ZNF610: variants seen among roughly 807,000 people sequenced by gnomAD.
The protein encoded by ZNF610 is zinc finger protein 610, also known as zink finger protein.
A neutral mutation model predicts 14.1 loss-of-function variants in ZNF610; 14 were observed. That is an observed-to-expected ratio of 0.99 (90% CI 0.65 to 1.55). The LOEUF (loss-of-function observed/expected upper bound fraction) is 1.55. Ranked by LOEUF, ZNF610 falls within the 40% of genes most tolerant of loss-of-function variation. The probability of loss-of-function intolerance (pLI) is 0.00; values close to 1 mark genes in which losing one functional copy is unlikely to be tolerated. For synonymous variants in ZNF610, 185 were observed against 187.6 expected (o/e 0.99, Z 0.11); for missense variants, 530 against 558.0 (o/e 0.95, Z 0.51).
At chr19:52,349,726 C>T (rs1310756341) in intron 3 of ZNF610, among the ~76,000 whole-genome samples, 1 of 152,010 alleles carries the variant, frequency 6.6e-6, no homozygotes, top group African/African-American at 2.4e-5. Flanking sequence ...CCTGCCACCA[C>T]GCCCAGCTAA....
At position 52,365,825 on chromosome 19, in the gene ZNF610, T is replaced by C. The variant is rs764657353; in HGVS notation, c.447T>C (p.Asn149=). Residue 149 remains asparagine, a synonymous_variant, in exon 6 of 6, where the codon AAT becomes AAC. Transcript: ENST00000403906. ...FQAGRKIYRS[N]QVEKFTNHRS... is the part of the protein sequence containing the mutation. ...CCGGAAGGAAAATTTACAGAAGTAA[T>C]CAAGTTGAAAAGTTTACAAACCATC... 7.4e-6 allele frequency: 12 copies of C among 1,614,074 alleles called. 1 individual carries two copies. In the East Asian group the frequency reaches 2.7e-4, roughly 36 times the overall value.
intron 1 of ZNF610, among the ~76,000 whole-genome samples, chr19:52,339,288 T>G (rs572011871): frequency 3.3e-5 from 5 of 152,044 alleles, no homozygotes; most frequent in African/African-American, 1.2e-4. Flanking sequence ...CCTTCCTCTT[T>G]CACTAATCCT....
chr19:52,338,084 T>A (rs1568643779), intron 1 of ZNF610, among the ~76,000 whole-genome samples: 1 of 152,230 alleles, frequency 6.6e-6, no homozygotes, highest in Non-Finnish European at 1.5e-5. Context: ...TTAACTCAAT[T>A]TCACACTAAC....
At chr19:52,334,073 T>C (rs1984265427), upstream of ZNF610, among the ~76,000 whole-genome samples, 1 of 152,186 alleles carries the variant, frequency 6.6e-6, no homozygotes, top group African/African-American at 2.4e-5. Flanking sequence ...TCAACAATGG[T>C]TTATAAACTG....
chr19:52,347,094 G>C (rs993992402), intron 1 of ZNF610: 3 of 152,194 alleles, frequency 2.0e-5, no homozygotes, highest in South Asian at 2.1e-4. Context: ...TCCTAGAAGA[G>C]CCTCGGGCAA....
intron 5 of ZNF610, among the ~76,000 whole-genome samples, chr19:52,363,255 G>A (rs574925005): frequency 3.3e-5 from 5 of 151,866 alleles, no homozygotes; most frequent in Admixed American, 3.3e-4. Flanking sequence ...TCAGCCACCT[G>A]AGTAGCTAGG....
At chr19:52,358,805 T>C (rs540754486) in intron 5 of ZNF610, among the ~76,000 whole-genome samples, 3 of 152,356 alleles carry the variant, frequency 2.0e-5, no homozygotes, top group Non-Finnish European at 4.4e-5. Context: ...AGGTCATGAA[T>C]TGGCTTTCAG....
At chr19:52,349,718 T>C (rs577120902) in intron 3 of ZNF610, among the ~76,000 whole-genome samples, 247 of 152,062 alleles carry the variant, frequency 1.6e-3, no homozygotes, top group African/African-American at 4.7e-3. Context: ...TACAGGTGCC[T>C]GCCACCACGC....
rs1365075194 is a variant in ZNF610 at position 52,337,213 on chromosome 19, G to C, written c.-258+707G>C. Among the ~76,000 whole-genome samples, 7 of 151,960 alleles carry C rather than the reference G, an allele frequency of 4.6e-5. 1 individual carries two copies. Among genetic ancestry groups the C allele is most frequent in the Admixed American group, 1.3e-4 (2 of 15,244 alleles). ...GAGAGGAGGAGGGATTTGGAGCCAGGGCAGACAGAGCAGCATGGTGCTGGG... is the reference window on the plus strand; with the variant it reads ...GAGAGGAGGAGGGATTTGGAGCCAGCGCAGACAGAGCAGCATGGTGCTGGG... On this transcript the variant is annotated intron_variant, in intron 1 of 5. Transcript: ENST00000403906.
At chr19:52,339,389 A>G (rs777379158) in intron 1 of ZNF610, among the ~76,000 whole-genome samples, 2 of 149,256 alleles carry the variant, frequency 1.3e-5, no homozygotes, top group Non-Finnish European at 2.9e-5. Flanking sequence ...CATGGGGAGA[A>G]ACCTTGGACA....
Position 52,347,905 on chromosome 19 carries a change from T to G in ZNF610, c.-59T>G, listed in dbSNP as rs1970422768. ...ATTCGGTCACCACACACTCACTGAC[T>G]CATCCAGAGCAATTTCTAGTCCTGC... On this transcript the variant is annotated 5_prime_UTR_variant, in exon 2 of 6. Coordinates refer to ENST00000403906, the MANE Select transcript of ZNF610 (RefSeq NM_001161425.2). The G allele has an allele frequency of 6.6e-6, 1 of 152,200 alleles. No homozygotes were observed. The highest frequency in any genetic ancestry group is 6.5e-5 in the Admixed American group (1 of 15,286). 9.4% of individuals were successfully genotyped at this position (152,200 alleles called of 1,614,324 possible).
chr19:52,353,400 G>T (rs1275488471), intron 3 of ZNF610, among the ~76,000 whole-genome samples: 2 of 152,188 alleles, frequency 1.3e-5, no homozygotes, highest in Non-Finnish European at 2.9e-5. Context: ...AGTGGTGCAT[G>T]CCTATAATCC....
At chr19:52,334,712 T>C (rs1462923369), upstream of ZNF610, among the ~76,000 whole-genome samples, 1 of 151,884 alleles carries the variant, frequency 6.6e-6, no homozygotes, top group African/African-American at 2.4e-5. Flanking sequence ...GAGAATCACC[T>C]GAGGTCAGGA....
At position 52,366,045 on chromosome 19, in the gene ZNF610, C is replaced by G; in HGVS notation, c.667C>G (p.Gln223Glu). The change falls in exon 6 of 6, where the codon CAA becomes GAA. Residue 223 changes from glutamine to glutamate, a missense_variant. Gln to Glu is a conservative substitution (Grantham distance 29). Coordinates refer to ENST00000403906, the MANE Select transcript of ZNF610 (RefSeq NM_001161425.2). ...AGTCCGTGCAAGCCTTACTAACCAT[C>G]AAGTAATCCATACTGCAGAGAAACC... is the stretch of plus-strand genomic sequence containing the variant. ...FRVRASLTNH[Q>E]VIHTAEKPYK... 1 of 1,614,092 alleles carries G rather than the reference C, an allele frequency of 6.2e-7. No homozygotes were observed. The highest frequency in any genetic ancestry group is 1.6e-4 in the Middle Eastern group (1 of 6,062).
intron 3 of ZNF610, 86 bp downstream of exon 3, chr19:52,349,321 AC>A: frequency 7.0e-7 from 1 of 1,436,966 alleles, no homozygotes. Flanking sequence ...GCTCACACTC[AC>A]CCATGCCTTC....
chr19:52,332,243 G>C (rs10405321), upstream of ZNF610, among the ~76,000 whole-genome samples: 99,563 of 152,046 alleles, frequency 0.65, 32,974 homozygotes, highest in African/African-American at 0.73. This position sits in a 1 kb window ranked among gnomAD's most constrained non-coding sequence, Gnocchi z 4.1. Flanking sequence ...AGACAGTCTG[G>C]AGCTCAGGTT....
At chr19:52,361,075 G>A (rs1367484277) in intron 5 of ZNF610, among the ~76,000 whole-genome samples, 3 of 151,642 alleles carry the variant, frequency 2.0e-5, no homozygotes, top group Non-Finnish European at 2.9e-5. Context: ...CTCCTTATTT[G>A]TTACTCGTCT....
In ZNF610 at chr19:52,354,396, G is replaced by A. The variant is rs375235605; in HGVS notation, c.319+17G>A. The A allele has an allele frequency of 1.6e-5, 25 of 1,612,684 alleles. No individual in the cohort carries two copies. The Admixed American group carries it at 4.2e-4, about 27-fold the overall frequency. ...TGAACACAGGTAAGAGCTCTGATGG[G>A]CAGTGTGGAGGCCATAGTTTTTATT... On this transcript the variant is annotated intron_variant, in intron 5 of 5. Coordinates refer to ENST00000403906, the MANE Select transcript of ZNF610 (RefSeq NM_001161425.2).
At chr19:52,340,129 G>T (rs531970272) in intron 1 of ZNF610, among the ~76,000 whole-genome samples, 6 of 152,198 alleles carry the variant, frequency 3.9e-5, no homozygotes, top group Non-Finnish European at 8.8e-5. Context: ...GGCCAGACGC[G>T]TTGGCTTAAG....
Sources: allele counts gnomAD v4.1 joint callset (sites outside exome capture counted in the v4.1 genomes callset), GRCh38; gene constraint gnomAD v4.1.1; non-coding constraint Gnocchi (gnomAD v3.1); transcripts MANE v1.5; gene names NCBI Gene and HGNC (gene_info 2026-07-23, HGNC 2026-07-21).